The following ZNF318 variants were observed in gnomAD, a reference collection of about 807,000 sequenced individuals.
The protein encoded by ZNF318 is zinc finger protein 318.
A neutral mutation model predicts 124.2 loss-of-function variants in ZNF318; 51 were observed. The ratio of observed to expected loss-of-function variants is 0.41; its 90% CI spans 0.33 to 0.52. The LOEUF (loss-of-function observed/expected upper bound fraction) is 0.52, where lower values mean the gene tolerates loss of function less well. ZNF318 is among the 20% of genes least tolerant of loss of function. The probability of loss-of-function intolerance (pLI) is 0.23; values close to 1 mark genes in which losing one functional copy is unlikely to be tolerated. For missense variants in ZNF318, 2,815 were observed against 2,811.2 expected (o/e 1.00, Z -0.03); for synonymous variants, 1,090 against 1,040.7 (o/e 1.05, Z -0.91).
rs769948120 is a variant in ZNF318 at position 43,348,306 on chromosome 6, G to A, written c.3072+18C>T. The A allele has an allele frequency of 1.9e-6, 3 of 1,585,118 alleles. No individual in the cohort carries two copies. The South Asian group carries it at 3.5e-5, about 18-fold the overall frequency. On this transcript the variant is annotated intron_variant, in intron 6 of 9. Coordinates refer to ENST00000361428, the MANE Select transcript of ZNF318 (RefSeq NM_014345.3). ...AGGGAAAAAAAAGATGATAGAAATG[G>A]AAAAATTGAGTTGTTACCTTGTTGG...
Position 43,342,748 on chromosome 6 carries a change from G to A in ZNF318, c.3204C>T (p.Cys1068=). 1 of 1,614,212 alleles carries A rather than the reference G, an allele frequency of 6.2e-7. No individual in the cohort carries two copies. The highest frequency in any genetic ancestry group is 8.5e-7 in the Non-Finnish European group (1 of 1,180,036). ...YEYYDAGNHW[C]KDCNTICGTM... ...TCCCACAGATGGTGTTGCAGTCTTT[G>A]CACCAGTGATTGCCAGCATCATAAT... The change falls in exon 7 of 10, where the codon TGC becomes TGT. Residue 1068 remains cysteine, a synonymous_variant. Coordinates refer to ENST00000361428, the MANE Select transcript of ZNF318 (RefSeq NM_014345.3).
intron 6 of ZNF318, 135 bp from the exon 7 acceptor site, chr6:43,343,014 T>C (rs1355255762): frequency 7.1e-6 from 5 of 704,828 alleles, no homozygotes; most frequent in Non-Finnish European, 1.2e-5. Flanking sequence ...CTGCACAAGT[T>C]GGGGGGAACC....
rs1050304123 is a variant in ZNF318, at chr6:43,356,095, G to A, written c.1239C>T (p.Tyr413=). 1.4e-5 allele frequency: 22 copies of A among 1,613,970 alleles called. No individual in the cohort carries two copies. The highest frequency in any genetic ancestry group is 1.9e-5 in the Non-Finnish European group (22 of 1,179,962). ...STSSSQDHPL[Y]SGHPSLPLSG... is the part of the protein sequence containing the mutation. ...TTAGTGGAAGGGATGGGTGCCCAGA[G>A]TAGAGAGGGTGATCCTGGCTGGAGC... The change falls in exon 4 of 10, where the codon TAC becomes TAT. Residue 413 remains tyrosine (Y), a synonymous_variant. Coordinates refer to ENST00000361428, the MANE Select transcript of ZNF318 (RefSeq NM_014345.3).
chr6:43,363,127 T>A (rs1487053011), intron 2 of ZNF318, among the ~76,000 whole-genome samples: 2 of 152,174 alleles, frequency 1.3e-5, no homozygotes, highest in Non-Finnish European at 2.9e-5. Context: ...TTTTGTAATT[T>A]AAAAATATAA....
intron 3 of ZNF318, 61 bp from the exon 4 acceptor site, chr6:43,356,206 G>C: frequency 6.6e-7 from 1 of 1,512,372 alleles, no homozygotes; most frequent in Non-Finnish European, 8.9e-7. Flanking sequence ...TAGTAATTGA[G>C]ATAAATACTT....
At position 43,355,521 on chromosome 6, in the gene ZNF318, C is replaced by T. The variant is rs1259321705; in HGVS notation, c.1813G>A (p.Val605Ile). Residue 605 changes from valine to isoleucine, a missense_variant, in exon 4 of 10, where the codon GTA becomes ATA. Coordinates refer to ENST00000361428, the MANE Select transcript of ZNF318 (RefSeq NM_014345.3). ...LLKTIGLDIG[V>I]AEISQLAART... The stretch of plus-strand genomic sequence containing the variant: ...GCAGCCAATTGACTAATCTCTGCTA[C>T]TCCAATATCCAGCCCTATTGTCTTG... The T allele has an allele frequency of 2.5e-6, 4 of 1,614,214 alleles. No homozygotes were observed. The South Asian group carries it at 4.4e-5, about 18-fold the overall frequency.
intron 6 of ZNF318, among the ~76,000 whole-genome samples, chr6:43,345,135 T>TA (rs1219638728): frequency 2.0e-5 from 3 of 151,242 alleles, no homozygotes; most frequent in African/African-American, 7.3e-5. Flanking sequence ...TAGTCCCAGC[T>TA]ACTGGGGAGC....
At chr6:43,342,011 G>A in intron 8 of ZNF318, 101 bp downstream of exon 8, 1 of 991,960 alleles carries the variant, frequency 1.0e-6, no homozygotes, top group Non-Finnish European at 1.6e-6. Flanking sequence ...TAAAAGGAAT[G>A]GCTGTCTCAT....
At position 43,354,680 on chromosome 6, in the gene ZNF318, G is replaced by A. The variant is rs370033979; in HGVS notation, c.2654C>T (p.Ala885Val). 4 of 1,606,234 alleles carry A rather than the reference G, an allele frequency of 2.5e-6. No homozygotes were observed. The African/African-American group carries it at 4.0e-5, about 16-fold the overall frequency. The change falls in exon 4 of 10, where the codon GCT (alanine) becomes GTT (valine). Residue 885 changes from alanine (A) to valine (V), a missense_variant. Physicochemically the swap from Ala to Val is moderately conservative, Grantham distance 64 (BLOSUM62 0). Coordinates refer to ENST00000361428, the MANE Select transcript of ZNF318 (RefSeq NM_014345.3). ...PEKISDEKNR[A>V]SQKQKVIEER... is the part of the protein sequence containing the mutation. ...AATATTCACCTTTTGCTTCTGGGAA[G>A]CACGGTTCTTCTCATCAGAGATCTT...
At chr6:43,351,748 G>A (rs1159300300) in intron 5 of ZNF318, among the ~76,000 whole-genome samples, 4 of 146,956 alleles carry the variant, frequency 2.7e-5, no homozygotes, top group Non-Finnish European at 4.5e-5. Flanking sequence ...GCAACAGAGC[G>A]AGGCTCCATC....
chr6:43,346,501 T>C (rs568420929), intron 6 of ZNF318, among the ~76,000 whole-genome samples: 28 of 101,160 alleles, frequency 2.8e-4, no homozygotes, highest in Admixed American at 2.0e-3. Flanking sequence ...GCCTGGGCAA[T>C]ATAGCAAGAC....
At chr6:43,348,734 A>G in intron 5 of ZNF318, 109 bp from the exon 6 acceptor site, 2 of 1,327,436 alleles carry the variant, frequency 1.5e-6, no homozygotes, top group South Asian at 2.9e-5. Context: ...GTCTTTGCCC[A>G]CAAACGTTTC....
rs1342400491 is a variant in ZNF318 at position 43,356,565 on chromosome 6, T to A, written c.1189-420A>T. On this transcript the variant is annotated intron_variant, in intron 3 of 9. Coordinates refer to ENST00000361428, the MANE Select transcript of ZNF318 (RefSeq NM_014345.3). ...TTGGGAACCTCTTCAGAAGCCTTTA[T>A]CTCCTAAGAGGACAGCTAAAAACTA... Among the ~76,000 whole-genome samples the A allele has an allele frequency of 2.0e-5, 3 of 152,196 alleles. No individual in the cohort carries two copies. In the East Asian group the frequency reaches 5.8e-4, roughly 29 times the overall value.
chr6:43,338,947 C>T lies in ZNF318; in HGVS notation c.5051G>A (p.Arg1684Lys), dbSNP rs749599513. The T allele has an allele frequency of 5.6e-6, 9 of 1,614,126 alleles. No homozygotes were observed. The highest frequency in any genetic ancestry group is 5.9e-6 in the Non-Finnish European group (7 of 1,180,026). ...LQPLTRLCQS[R>K]PYETITPKTD... Reference sequence around the variant, plus strand: ...CTTTGGGGTAATTGTTTCATAAGGCCTGCTTTGGCACAACCTTGTCAGAGG... The same window carrying T: ...CTTTGGGGTAATTGTTTCATAAGGCTTGCTTTGGCACAACCTTGTCAGAGG... Residue 1684 changes from arginine to lysine, a missense_variant, in exon 10 of 10, where the codon AGG becomes AAG. This residue lies in a region of ZNF318 where 927 missense variants were observed against 820.6 expected (regional missense o/e 1.13). Coordinates refer to ENST00000361428, the MANE Select transcript of ZNF318 (RefSeq NM_014345.3).
chr6:43,363,591 G>T, intron 2 of ZNF318: 1 of 366,982 alleles, frequency 2.7e-6, no homozygotes, highest in South Asian at 3.3e-5. Flanking sequence ...CCAAGGATAA[G>T]GAGTGGATGC....
intron 2 of ZNF318, 126 bp from the exon 3 acceptor site, chr6:43,357,891 G>T: frequency 2.4e-6 from 2 of 843,658 alleles, no homozygotes; most frequent in Non-Finnish European, 3.7e-6. Context: ...TAATCATGAA[G>T]TCCAAGAACA....
Position 43,339,515 on chromosome 6 carries a change from T to C in ZNF318, c.4483A>G (p.Ile1495Val), listed in dbSNP as rs770335789. Residue 1495 changes from isoleucine (I) to valine (V), a missense_variant, in exon 10 of 10, where the codon ATT becomes GTT. Physicochemically the swap from Ile to Val is conservative, Grantham distance 29. Around this residue, in one of 4 missense-constraint regions of ZNF318, gnomAD observed 500 missense variants for 605.2 expected, o/e 0.83. Transcript: ENST00000361428. This position sits in a 1 kb window ranked among gnomAD's most constrained non-coding sequence, Gnocchi z 4.2. ...TLSPGFVGPN[I>V]LNPVLPVAIM... ...GCTACAGGCAACACTGGGTTCAAAA[T>C]GTTAGGACCCACGAAGCCAGGGCTG... 4.3e-6 allele frequency: 7 copies of C among 1,614,050 alleles called. No homozygotes were observed. Among genetic ancestry groups the C allele is most frequent in the Admixed American group, 3.3e-5 (2 of 60,004 alleles).
intron 6 of ZNF318, among the ~76,000 whole-genome samples, chr6:43,343,881 T>A (rs1015696839): frequency 1.3e-5 from 2 of 151,548 alleles, no homozygotes; most frequent in Non-Finnish European, 1.5e-5. Flanking sequence ...GTATCCTTTT[T>A]AAAAATATAT....
At chr6:43,361,092 T>C (rs1779676145) in intron 2 of ZNF318, among the ~76,000 whole-genome samples, 1 of 152,180 alleles carries the variant, frequency 6.6e-6, no homozygotes, top group South Asian at 2.1e-4. Context: ...AAATTACATC[T>C]CGATAAAGCT....
Sources: gnomAD v4.1 joint callset for allele counts (sites outside exome capture counted in the v4.1 genomes callset) on GRCh38, gnomAD v4.1.1 for gene constraint, gnomAD v4.1.1 regional missense constraint, Gnocchi (gnomAD v3.1) non-coding constraint, MANE v1.5 for transcripts, NCBI Gene and HGNC (gene_info 2026-07-23, HGNC 2026-07-21) for gene names.